The following NELL1 variants were observed in gnomAD, a reference collection of about 807,000 sequenced individuals.
NELL1 encodes the protein neural EGFL like 1, also known as protein kinase C-binding protein NELL1.
NELL1 carries 76 observed loss-of-function variants against 107.4 expected under a neutral mutation model. The observed-to-expected ratio is 0.71, with a 90% CI of 0.59 to 0.86. NELL1 has a LOEUF of 0.86. Ranked by LOEUF, NELL1 falls within the 40% of genes least tolerant of loss-of-function variation. The pLI is 0.00. For missense variants in NELL1, 1,024 were observed against 1,005.5 expected (o/e 1.02, Z -0.25); for synonymous variants, 353 against 341.2 (o/e 1.03, Z -0.38).
intron 16 of NELL1, among the ~76,000 whole-genome samples, chr11:21,552,023 A>G (rs1856600888): frequency 6.8e-6 from 1 of 147,050 alleles, no homozygotes; most frequent in Admixed American, 6.8e-5. Context: ...CATTCTCAGT[A>G]AACTATCGCA....
chr11:21,403,960 C>G (rs192187551), intron 15 of NELL1, among the ~76,000 whole-genome samples: 1 of 148,508 alleles, frequency 6.7e-6, no homozygotes, highest in Non-Finnish European at 1.5e-5. Flanking sequence ...GTATCCTCCT[C>G]TAACCCTTGA....
intron 3 of NELL1, among the ~76,000 whole-genome samples, chr11:20,832,098 A>C (rs1202992262): frequency 6.6e-6 from 1 of 152,194 alleles, no homozygotes; most frequent in Non-Finnish European, 1.5e-5. Context: ...CACTGGTCTT[A>C]CTAATGGCCC....
intron 12 of NELL1, among the ~76,000 whole-genome samples, chr11:21,088,059 C>CTGTGTGTGTGTGTGTGTGTGTG (rs56900585): frequency 7.4e-6 from 1 of 135,992 alleles, no homozygotes. Context: ...CCCAGTAGCT[C>CTGTGTGTGTGTGTGTGTGTGTG]TGTGTGTGTG....
chr11:20,791,951 C>T (rs1857084025), intron 3 of NELL1, among the ~76,000 whole-genome samples: 1 of 151,934 alleles, frequency 6.6e-6, no homozygotes, highest in East Asian at 1.9e-4. Flanking sequence ...ACTTGCATTC[C>T]TGGGATAAAT....
At chr11:21,294,101 T>C (rs1487122791) in intron 14 of NELL1, among the ~76,000 whole-genome samples, 1 of 152,018 alleles carries the variant, frequency 6.6e-6, no homozygotes, top group Non-Finnish European at 1.5e-5. Context: ...AAATGAAGTA[T>C]ATAAAAATGG....
chr11:20,928,196 G>C (rs1412208505), intron 8 of NELL1, among the ~76,000 whole-genome samples, 181 bp from the exon 9 acceptor site: 1 of 152,174 alleles, frequency 6.6e-6, no homozygotes, highest in African/African-American at 2.4e-5. Flanking sequence ...AAGTAATTGA[G>C]GTGGTACAGG....
chr11:20,838,453 C>T (rs1848570063), intron 3 of NELL1, among the ~76,000 whole-genome samples: 1 of 151,410 alleles, frequency 6.6e-6, no homozygotes, highest in South Asian at 2.1e-4. Flanking sequence ...ATAGGGCAGA[C>T]TGGGTGTGGG....
At chr11:21,522,166 G>A (rs536171142) in intron 15 of NELL1, among the ~76,000 whole-genome samples, 334 of 151,810 alleles carry the variant, frequency 2.2e-3, no homozygotes, top group African/African-American at 7.5e-3. Flanking sequence ...CCCGGGAGGC[G>A]GAGCTTGCAG....
chr11:20,843,562 A>ATATATAAAATATAATATATTTTATATAT (rs1848653908), intron 3 of NELL1, among the ~76,000 whole-genome samples: 1 of 126,334 alleles, frequency 7.9e-6, no homozygotes, highest in South Asian at 2.5e-4. Context: ...CTTCTGTTCT[A>ATATATAAAATATAATATATTTTATATAT]TATATAAAAT....
intron 3 of NELL1, among the ~76,000 whole-genome samples, chr11:20,806,778 C>G (rs1283445600): frequency 6.6e-6 from 1 of 151,690 alleles, no homozygotes; most frequent in Non-Finnish European, 1.5e-5. Flanking sequence ...TTTCAAATAC[C>G]CTGTCTTCAA....
chr11:21,450,248 T>C (rs1214816470), intron 15 of NELL1, among the ~76,000 whole-genome samples: 1 of 152,228 alleles, frequency 6.6e-6, no homozygotes, highest in Non-Finnish European at 1.5e-5. Flanking sequence ...GAGCCATCTG[T>C]GTCATTCTCT....
chr11:21,478,144 C>T (rs1156472492), intron 15 of NELL1, among the ~76,000 whole-genome samples: 1 of 152,000 alleles, frequency 6.6e-6, no homozygotes, highest in African/African-American at 2.4e-5. Context: ...CACAAGGTGG[C>T]AGGAGAAAGA....
chr11:20,713,174 C>T (rs1855154794), intron 2 of NELL1, among the ~76,000 whole-genome samples: 1 of 152,096 alleles, frequency 6.6e-6, no homozygotes, highest in African/African-American at 2.4e-5. Flanking sequence ...CTAAGTTGAC[C>T]AGGGTAAGTA....
intron 2 of NELL1, among the ~76,000 whole-genome samples, chr11:20,768,257 G>T (rs1386008055): frequency 6.6e-6 from 1 of 152,166 alleles, no homozygotes; most frequent in African/African-American, 2.4e-5. Context: ...GTTATGTATA[G>T]GTCCAGTAAG....
chr11:20,965,429 A>C (rs960817013), intron 12 of NELL1, among the ~76,000 whole-genome samples: 1 of 152,180 alleles, frequency 6.6e-6, no homozygotes, highest in Non-Finnish European at 1.5e-5. Flanking sequence ...ATTGAGACCA[A>C]TACTTTGAGA....
At chr11:21,232,841 T>C (rs1307232849) in intron 14 of NELL1, among the ~76,000 whole-genome samples, 1 of 152,066 alleles carries the variant, frequency 6.6e-6, no homozygotes, top group Non-Finnish European at 1.5e-5. Flanking sequence ...TTAATAGAGA[T>C]GGGGTTTCAC....
intron 2 of NELL1, among the ~76,000 whole-genome samples, chr11:20,727,471 G>A (rs1855534576): frequency 6.6e-6 from 1 of 152,000 alleles, no homozygotes; most frequent in Non-Finnish European, 1.5e-5. Flanking sequence ...AAATTTGTTG[G>A]CGTTCATTGT....
chr11:21,315,218 C>CA (rs142976693), intron 14 of NELL1, among the ~76,000 whole-genome samples: 353 of 152,242 alleles, frequency 2.3e-3, no homozygotes, highest in Non-Finnish European at 4.0e-3. Flanking sequence ...ATAGTGCAAA[C>CA]ATAAACAGGT....
chr11:21,479,229 T>G (rs867296588), intron 15 of NELL1, among the ~76,000 whole-genome samples: 3 of 152,140 alleles, frequency 2.0e-5, no homozygotes, highest in African/African-American at 7.2e-5. Context: ...CAAAGAGATA[T>G]CTACACTCCT....
Sources: gnomAD v4.1 joint callset for allele counts (sites outside exome capture counted in the v4.1 genomes callset) on GRCh38, gnomAD v4.1.1 for gene constraint, MANE v1.5 for transcripts, NCBI Gene and HGNC (gene_info 2026-07-23, HGNC 2026-07-21) for gene names.